FLNA: variants seen among roughly 807,000 people sequenced by gnomAD.
The protein encoded by FLNA is filamin A.
In FLNA, 7 loss-of-function variants were observed where a neutral mutation model predicts 157.6. That is an observed-to-expected ratio of 0.04 (90% confidence interval 0.03 to 0.08). The LOEUF (loss-of-function observed/expected upper bound fraction) is 0.08, where lower values mean the gene tolerates loss of function less well. Among genes scored for constraint, FLNA ranks in the 10% least tolerant of loss-of-function variants. The probability of loss-of-function intolerance (pLI) is 1.00; values close to 1 mark genes in which losing one functional copy is unlikely to be tolerated. For synonymous variants in FLNA, 1,103 were observed against 1,060.8 expected (o/e 1.04, Z -0.77); for missense variants, 1,750 against 2,398.4 (o/e 0.73, Z 5.65).
chrX:154,357,585 G>A lies in FLNA; in HGVS notation c.4794C>T (p.Asp1598=). The A allele has an allele frequency of 8.3e-7, 1 of 1,212,039 alleles. No individual in the cohort carries two copies. Among genetic ancestry groups the A allele is most frequent in the Non-Finnish European group, 1.1e-6 (1 of 895,464 alleles). Reference sequence around the variant, plus strand: ...CCACTGTATACGTGCCGTCATGGTTGTCTTGGATGTGTGTCTTCTTCGGCT... The same window carrying A: ...CCACTGTATACGTGCCGTCATGGTTATCTTGGATGTGTGTCTTCTTCGGCT... ...EGKPKKTHIQ[D]NHDGTYTVAY... Residue 1598 remains aspartate, a synonymous_variant, in exon 29 of 48, where the codon GAC becomes GAT. Coordinates refer to ENST00000369850, the MANE Select transcript of FLNA (RefSeq NM_001110556.2).
At chrX:154,370,308 C>G (rs1409912197) in intron 2 of FLNA, among the ~76,000 whole-genome samples, 9 of 111,713 alleles carry the variant, frequency 8.1e-5, no homozygotes, top group African/African-American at 2.3e-4. Flanking sequence ...CTTTCTGGCC[C>G]CCAGGTTGCC....
intron 1 of FLNA, among the ~76,000 whole-genome samples, chrX:154,373,086 C>G (rs1480472545): frequency 4.7e-5 from 5 of 106,597 alleles, no homozygotes; most frequent in African/African-American, 1.7e-4. Flanking sequence ...CGTCTGGGAG[C>G]TGGGGTGGAG....
At position 154,359,475 on chromosome X, in the gene FLNA, C is replaced by T; in HGVS notation, c.4142+9G>A. ...CACCAGCCACACGGGCTCCTGGGGGCTCCCTTACCTGGTCTCCACAGTGAA... is the reference window on the plus strand; with the variant it reads ...CACCAGCCACACGGGCTCCTGGGGGTTCCCTTACCTGGTCTCCACAGTGAA... On this transcript the variant is annotated intron_variant, in intron 24 of 47. Coordinates refer to ENST00000369850, the MANE Select transcript of FLNA (RefSeq NM_001110556.2). 2 of 1,211,851 alleles carry T rather than the reference C, an allele frequency of 1.7e-6. No individual in the cohort carries two copies. Among genetic ancestry groups the T allele is most frequent in the Non-Finnish European group, 2.2e-6 (2 of 895,541 alleles).
chrX:154,372,421 G>A (rs1250023359), intron 1 of FLNA, among the ~76,000 whole-genome samples: 2 of 112,100 alleles, frequency 1.8e-5, no homozygotes, highest in African/African-American at 6.5e-5. Context: ...GAGCACCTGG[G>A]TCTGGGTGGG....
At chrX:154,349,171 A>T in intron 47 of FLNA, 135 bp from the exon 48 acceptor site, 1 of 788,709 alleles carries the variant, frequency 1.3e-6, no homozygotes, top group Non-Finnish European at 1.9e-6. Flanking sequence ...CACCTCCCCA[A>T]CCCAGGCCAG....
rs200626788 is a variant in FLNA at position 154,371,009 on chromosome X, C to G, written c.237G>C (p.Ala79=). ...TCTTCTGGCTGAGCACCTCCAACAG[C>G]GCGATAAGCCGCAGCCCGTCGCTCA... The part of the protein sequence containing the change: ...TDLSDGLRLI[A]LLEVLSQKKM... Residue 79 remains alanine (A), a synonymous_variant, in exon 2 of 48, where the codon GCG becomes GCC. Coordinates refer to ENST00000369850, the MANE Select transcript of FLNA (RefSeq NM_001110556.2). The G allele has an allele frequency of 5.3e-4, 637 of 1,208,013 alleles. No individual in the cohort carries two copies. Among genetic ancestry groups the G allele is most frequent in the Non-Finnish European group, 6.9e-4 (617 of 893,884 alleles).
Position 154,360,360 on chromosome X carries a change from G to C in FLNA, c.3435C>G (p.Ile1145Met). ...NINILFADTH[I>M]PGSPFKAHVV... The stretch of plus-strand genomic sequence containing the variant: ...CGTGGGCCTTGAATGGGGAGCCAGG[G>C]ATGTGGGTGTCAGCGAAGAGGATGT... Residue 1145 changes from isoleucine (I) to methionine (M), a missense_variant, in exon 22 of 48, where the codon ATC becomes ATG. By Grantham distance (10) the Ile-to-Met change is conservative. This residue lies in a region of FLNA where 648 missense variants were observed against 805.8 expected (regional missense o/e 0.80). Coordinates refer to ENST00000369850, the MANE Select transcript of FLNA (RefSeq NM_001110556.2). 8.3e-7 allele frequency: 1 copy of C among 1,211,711 alleles called. No individual in the cohort carries two copies. The highest frequency in any genetic ancestry group is 3.0e-5 in the East Asian group (1 of 33,873).
intron 30 of FLNA, among the ~76,000 whole-genome samples, chrX:154,355,298 C>G (rs1347362740): frequency 3.5e-5 from 4 of 113,659 alleles, no homozygotes; most frequent in Non-Finnish European, 7.5e-5. Context: ...GTGGGAGAGG[C>G]CCGACAGTAG....
rs782679140 is a variant in FLNA at position 154,362,541 on chromosome X, C to G, written c.2442G>C (p.Val814=). 3.3e-6 allele frequency: 4 copies of G among 1,211,468 alleles called. No individual in the cohort carries two copies. The South Asian group carries it at 5.3e-5, about 16-fold the overall frequency. Residue 814 remains valine, a synonymous_variant, in exon 17 of 48, where the codon GTG becomes GTC. Transcript: ENST00000369850. ...VSIGIKCAPG[V]VGPAEADIDF... ...CGATGTCAGCTTCGGCGGGGCCTAC[C>G]ACTCCAGGGGCACACTTGATGCCGA...
chrX:154,363,891 C>T (rs2067733492), intron 15 of FLNA, 131 bp downstream of exon 15: 3 of 670,163 alleles, frequency 4.5e-6, no homozygotes, highest in Admixed American at 4.5e-5. Context: ...CAGCAGAAAG[C>T]AGGTTAGTGG....
chrX:154,365,624 G>A, intron 9 of FLNA, 138 bp from the exon 10 acceptor site: 1 of 792,185 alleles, frequency 1.3e-6, no homozygotes, highest in Non-Finnish European at 1.8e-6. Context: ...AGAACTGGAA[G>A]GGACTGTGAC....
At chrX:154,359,938 G>C (rs1166490235) in intron 22 of FLNA, 33 bp from the exon 23 acceptor site, 1 of 1,205,606 alleles carries the variant, frequency 8.3e-7, no homozygotes, top group South Asian at 1.8e-5. Context: ...CTTGGGGCTC[G>C]GGGGTTCTGG....
Position 154,349,432 on chromosome X carries a change from G to T in FLNA, c.7686C>A (p.Ala2562=). The T allele has an allele frequency of 8.3e-7, 1 of 1,212,106 alleles. No homozygotes were observed. The part of the protein sequence containing the change: ...PGPADASKVV[A]KGLGLSKAYV... ...AGGCCTTGCTCAGCCCCAGGCCCTTGGCCACCACCTTGCTGGCGTCAGCAG... is the reference window on the plus strand; with the variant it reads ...AGGCCTTGCTCAGCCCCAGGCCCTTTGCCACCACCTTGCTGGCGTCAGCAG... The change falls in exon 47 of 48, where the codon GCC becomes GCA. Residue 2562 remains alanine (A), a synonymous_variant. Coordinates refer to ENST00000369850, the MANE Select transcript of FLNA (RefSeq NM_001110556.2).
Position 154,365,229 on chromosome X carries a change from A to G in FLNA, c.1598T>C (p.Leu533Pro), listed in dbSNP as rs1196767195. Residue 533 changes from leucine to proline, a missense_variant, in exon 11 of 48, where the codon CTG (leucine) becomes CCG (proline). Coordinates refer to ENST00000369850, the MANE Select transcript of FLNA (RefSeq NM_001110556.2). ...CTCGAAGCCATACACGCCATCCCCC[A>G]GGTCCTTCTGCTTCACGCGCTCCTC... Reference protein sequence around the residue: ...KGEERVKQKDLGDGVYGFEYY... With the variant: ...KGEERVKQKDPGDGVYGFEYY... The G allele has an allele frequency of 8.3e-6, 10 of 1,210,466 alleles. No homozygotes were observed. The Admixed American group carries it at 8.7e-5, about 11-fold the overall frequency.
intron 30 of FLNA, among the ~76,000 whole-genome samples, chrX:154,356,963 G>T (rs781940699): frequency 8.9e-6 from 1 of 111,776 alleles, no homozygotes; most frequent in Admixed American, 9.4e-5. Flanking sequence ...TCCCCAGTGG[G>T]GTGCCTCTCA....
Position 154,363,442 on chromosome X carries a change from C to T in FLNA, c.2280+580G>A, listed in dbSNP as rs782341186. On this transcript the variant is annotated intron_variant, in intron 15 of 47. Coordinates refer to ENST00000369850, the MANE Select transcript of FLNA (RefSeq NM_001110556.2). The stretch of plus-strand genomic sequence containing the variant: ...CAAAAAAAAAAAACCAGGATGGGCG[C>T]GGTGGCTCATGCCTGTCATCCCAGC... Among the ~76,000 whole-genome samples the T allele has an allele frequency of 4.4e-4, 43 of 98,814 alleles. 1 individual carries two copies. In the South Asian group the frequency reaches 0.013, roughly 30 times the overall value. The allele number at this position is 98,814 out of a possible 115,157, so 85.8% of individuals were successfully genotyped here. A position where few individuals can be genotyped will look rare whatever the true frequency, so the allele number is the denominator to read the frequency against.
chrX:154,363,986 T>C, intron 15 of FLNA, 36 bp downstream of exon 15: 6 of 1,202,865 alleles, frequency 5.0e-6, no homozygotes, highest in South Asian at 1.8e-5. Flanking sequence ...GTGAATGCTA[T>C]CGAGATGGAC....
Position 154,349,371 on chromosome X carries a change from T to C in FLNA, c.7747A>G (p.Ser2583Gly). ...GGCCCAGGTTGCCCACCTGCTTTGC[T>C]GCAGTCTACTGTGAAGCTGCTCTTC... is the stretch of plus-strand genomic sequence containing the variant. ...GQKSSFTVDC[S>G]KAGNNMLLVG... The change falls in exon 47 of 48, where the codon AGC becomes GGC. Residue 2583 changes from serine (S) to glycine (G), a missense_variant. By Grantham distance (56) the Ser-to-Gly change is moderately conservative. This residue lies in a region of FLNA where 970 missense variants were observed against 1,302.6 expected (regional missense o/e 0.74). Transcript: ENST00000369850. 2 of 1,211,280 alleles carry C rather than the reference T, an allele frequency of 1.7e-6. No homozygotes were observed. The highest frequency in any genetic ancestry group is 1.1e-6 in the Non-Finnish European group (1 of 894,970).
Position 154,365,159 on chromosome X carries a change from C to G in FLNA, c.1668G>C (p.Trp556Cys). The G allele has an allele frequency of 1.7e-6, 2 of 1,211,521 alleles. No homozygotes were observed. The highest frequency in any genetic ancestry group is 1.1e-6 in the Non-Finnish European group (1 of 895,240). Reference sequence around the variant, plus strand: ...ACCTGCGCCCGATGTTCTGACCACCCCACGTGATGGTGACGATATAGGTTC... The same window carrying G: ...ACCTGCGCCCGATGTTCTGACCACCGCACGTGATGGTGACGATATAGGTTC... ...VPGTYIVTIT[W>C]GGQNIGRSPF... The change falls in exon 11 of 48, where the codon TGG becomes TGC. Residue 556 changes from tryptophan to cysteine, a missense_variant. Transcript: ENST00000369850.
Sources: gnomAD v4.1 joint callset for allele counts (sites outside exome capture counted in the v4.1 genomes callset) on GRCh38, gnomAD v4.1.1 for gene constraint, gnomAD v4.1.1 regional missense constraint, MANE v1.5 for transcripts, NCBI Gene and HGNC (gene_info 2026-07-23, HGNC 2026-07-21) for gene names.